The following ITSN2 variants were observed in gnomAD, a reference collection of about 807,000 sequenced individuals.
ITSN2 encodes intersectin 2, also known as intersectin-2.
In ITSN2, 156 loss-of-function variants were observed where a neutral mutation model predicts 243.7. That is an observed-to-expected ratio of 0.64 (90% confidence interval 0.56 to 0.73). ITSN2 has a LOEUF of 0.73. Ranked by LOEUF, ITSN2 falls within the 30% of genes least tolerant of loss-of-function variation. The probability of loss-of-function intolerance (pLI) is 0.00; values close to 1 mark genes in which losing one functional copy is unlikely to be tolerated. For synonymous variants in ITSN2, 703 were observed against 699.9 expected (o/e 1.00, Z -0.07); for missense variants, 1,801 against 1,996.1 (o/e 0.90, Z 1.86).
chr2:24,285,295 T>C (rs1273362804), intron 16 of ITSN2, among the ~76,000 whole-genome samples: 3 of 152,232 alleles, frequency 2.0e-5, no homozygotes, highest in East Asian at 1.9e-4. Context: ...TTTTTTCTAC[T>C]GAACATATGC....
intron 1 of ITSN2, among the ~76,000 whole-genome samples, chr2:24,341,327 G>C (rs913900529): frequency 1.3e-5 from 2 of 152,118 alleles, no homozygotes; most frequent in Admixed American, 6.6e-5. Flanking sequence ...TAGGGATTGG[G>C]AGTAGTTGTA....
intron 1 of ITSN2, among the ~76,000 whole-genome samples, chr2:24,347,803 G>A (rs970338927): frequency 1.3e-5 from 2 of 151,956 alleles, no homozygotes; most frequent in African/African-American, 2.4e-5. Flanking sequence ...TAAACACGGT[G>A]GCTAATGTTT....
chr2:24,248,666 T>G lies in ITSN2; in HGVS notation c.3251A>C (p.Lys1084Thr), dbSNP rs1448496809. The part of the protein sequence containing the change: ...LAPGQLILIL[K>T]KNTSGWWQGE... ...TTGCCACCACCCACTTGTATTTTTC[T>G]TTAGAATTAATATTAACTGTCCTGG... The change falls in exon 27 of 40, where the codon AAG (lysine) becomes ACG (threonine). Residue 1084 changes from lysine (K) to threonine (T), a missense_variant. By Grantham distance (78) the Lys-to-Thr change is moderately conservative. This residue lies in a region of ITSN2 where 928 missense variants were observed against 1,065.4 expected (regional missense o/e 0.87). Coordinates refer to ENST00000355123, the MANE Select transcript of ITSN2 (RefSeq NM_006277.3). 2 of 1,611,312 alleles carry G rather than the reference T, an allele frequency of 1.2e-6. No individual in the cohort carries two copies. The highest frequency in any genetic ancestry group is 8.5e-7 in the Non-Finnish European group (1 of 1,178,140).
At chr2:24,358,885 T>C (rs1190240047) in intron 1 of ITSN2, among the ~76,000 whole-genome samples, 2 of 152,192 alleles carry the variant, frequency 1.3e-5, no homozygotes, top group Non-Finnish European at 2.9e-5. Context: ...CAAGTTTTCT[T>C]GGACGAGTTT....
intron 29 of ITSN2, among the ~76,000 whole-genome samples, chr2:24,222,339 G>A (rs978541055): frequency 4.6e-5 from 7 of 151,028 alleles, no homozygotes; most frequent in African/African-American, 1.7e-4. Flanking sequence ...CTGACAAAGG[G>A]CCAGGGAAGG....
chr2:24,276,617 C>T (rs548183505), intron 17 of ITSN2, among the ~76,000 whole-genome samples: 2 of 152,318 alleles, frequency 1.3e-5, no homozygotes, highest in South Asian at 2.1e-4. Flanking sequence ...CCCTGCCTTC[C>T]TCTAGGAAAC....
intron 29 of ITSN2, among the ~76,000 whole-genome samples, chr2:24,244,165 A>C (rs1190507870): frequency 1.3e-5 from 2 of 152,248 alleles, no homozygotes; most frequent in African/African-American, 2.4e-5. Flanking sequence ...CTGTATCATT[A>C]GTGTATTAAA....
intron 14 of ITSN2, among the ~76,000 whole-genome samples, chr2:24,294,283 A>G (rs560814562): frequency 6.6e-6 from 1 of 152,290 alleles, no homozygotes; most frequent in Non-Finnish European, 1.5e-5. Context: ...AAAATTAGCC[A>G]GGCGTGGTGG....
In ITSN2 at chr2:24,246,816, G is replaced by C; in HGVS notation, c.3366C>G (p.Ala1122=). Residue 1122 remains alanine (A), a synonymous_variant, in exon 28 of 40, where the codon GCC becomes GCG. Coordinates refer to ENST00000355123, the MANE Select transcript of ITSN2 (RefSeq NM_006277.3). ...VKLLGPSSER[A]TPAFHPVCQV... is the part of the protein sequence containing the mutation. ...CCATACCAGGATGAAAGGCAGGTGT[G>C]GCTCTTTCACTACTTGGACCCAAAA... The C allele has an allele frequency of 1.9e-6, 3 of 1,606,490 alleles. No individual in the cohort carries two copies. Among genetic ancestry groups the C allele is most frequent in the Non-Finnish European group, 2.6e-6 (3 of 1,173,534 alleles).
chr2:24,300,900 T>C (rs1220727478), intron 11 of ITSN2, among the ~76,000 whole-genome samples: 1 of 152,150 alleles, frequency 6.6e-6, no homozygotes, highest in Admixed American at 6.6e-5. Flanking sequence ...TCAGCCTAAA[T>C]TAGGAGAAAT....
intron 29 of ITSN2, among the ~76,000 whole-genome samples, chr2:24,234,205 A>G (rs1218071116): frequency 6.6e-6 from 1 of 152,026 alleles, no homozygotes; most frequent in Non-Finnish European, 1.5e-5. Context: ...TTGACAAAGG[A>G]GCAAAGGCAA....
chr2:24,327,822 G>A (rs1235851464), intron 2 of ITSN2, among the ~76,000 whole-genome samples: 2 of 151,926 alleles, frequency 1.3e-5, no homozygotes, highest in African/African-American at 4.8e-5. Context: ...ATACCTTTTG[G>A]TTATTCCTAA....
At chr2:24,237,844 C>T (rs1335550728) in intron 29 of ITSN2, among the ~76,000 whole-genome samples, 1 of 152,120 alleles carries the variant, frequency 6.6e-6, no homozygotes, top group Non-Finnish European at 1.5e-5. Flanking sequence ...TAAATTAGGA[C>T]CCTGGAAACT....
intron 17 of ITSN2, among the ~76,000 whole-genome samples, chr2:24,283,230 CTTTTTT>C (rs879626302): frequency 1.4e-5 from 2 of 146,168 alleles, no homozygotes; most frequent in African/African-American, 5.0e-5. Context: ...TTTTCTTTTT[CTTTTTT>C]TTTTTGAGAC....
chr2:24,222,481 A>G (rs998351457), intron 29 of ITSN2, among the ~76,000 whole-genome samples: 19 of 152,048 alleles, frequency 1.2e-4, no homozygotes, highest in African/African-American at 3.4e-4. Context: ...TTATCTGCCC[A>G]GCAACTGCCT....
chr2:24,209,764 A>G, intron 35 of ITSN2, 54 bp downstream of exon 35: 18 of 1,416,042 alleles, frequency 1.3e-5, no homozygotes, highest in Non-Finnish European at 1.8e-5. Flanking sequence ...GCCTTAAGAT[A>G]GAGGCAACAC....
At chr2:24,253,171 T>C (rs1674575136) in intron 24 of ITSN2, among the ~76,000 whole-genome samples, 1 of 152,194 alleles carries the variant, frequency 6.6e-6, no homozygotes, top group Non-Finnish European at 1.5e-5. Context: ...GGTGACTTGG[T>C]TTTCTAAGTC....
intron 1 of ITSN2, among the ~76,000 whole-genome samples, chr2:24,345,618 T>A (rs879583856): frequency 3.3e-5 from 5 of 151,734 alleles, no homozygotes; most frequent in Non-Finnish European, 5.9e-5. Context: ...AACATACAAA[T>A]AAAGCCAATT....
intron 20 of ITSN2, among the ~76,000 whole-genome samples, chr2:24,266,985 A>C (rs962476091): frequency 6.6e-6 from 1 of 152,142 alleles, no homozygotes; most frequent in African/African-American, 2.4e-5. Flanking sequence ...GAGCAATATA[A>C]ATTCAGACAA....
Sources: gnomAD v4.1 joint callset for allele counts (sites outside exome capture counted in the v4.1 genomes callset) on GRCh38, gnomAD v4.1.1 for gene constraint, gnomAD v4.1.1 regional missense constraint, MANE v1.5 for transcripts, NCBI Gene and HGNC (gene_info 2026-07-23, HGNC 2026-07-21) for gene names.